Variants in SLCO2A1 observed in about 807,000 individuals in gnomAD.
SLCO2A1 encodes the protein matrin F/G 1.
SLCO2A1 carries 60 observed loss-of-function variants against 71.7 expected under a neutral mutation model. The observed-to-expected ratio is 0.84, with a 90% CI of 0.68 to 1.04. SLCO2A1 has a LOEUF of 1.04. SLCO2A1 is among the 50% of genes least tolerant of loss of function. SLCO2A1 has a pLI of 0.00. For missense variants in SLCO2A1, 745 were observed against 813.4 expected (o/e 0.92, Z 1.02); for synonymous variants, 308 against 326.7 (o/e 0.94, Z 0.62).
At chr3:133,991,214 G>T (rs1352737132) in intron 1 of SLCO2A1, among the ~76,000 whole-genome samples, 1 of 152,120 alleles carries the variant, frequency 6.6e-6, no homozygotes, top group Non-Finnish European at 1.5e-5. Context: ...AAAGATCCTC[G>T]GAGCTGAAGC....
At chr3:134,023,318 C>A (rs1293499081) in intron 1 of SLCO2A1, among the ~76,000 whole-genome samples, 1 of 152,250 alleles carries the variant, frequency 6.6e-6, no homozygotes, top group Non-Finnish European at 1.5e-5. Flanking sequence ...TGCTGACCAT[C>A]TAGTTATTAA....
chr3:133,942,150 C>G (rs56106050), intron 11 of SLCO2A1, among the ~76,000 whole-genome samples: 3,379 of 152,342 alleles, frequency 0.022, 128 homozygotes, highest in African/African-American at 0.074. Context: ...CTGGCCACCA[C>G]GCCCAGCTAA....
In SLCO2A1 at chr3:133,951,214, T is replaced by A; in HGVS notation, c.855A>T (p.Gly285=). The change falls in exon 6 of 14, where the codon GGA becomes GGT. Residue 285 remains glycine (G), a synonymous_variant. Transcript: ENST00000310926. ...FFFFPRAMPI[G]AKRAPATADE... is the part of the protein sequence containing the mutation. ...TGGGCTCTTGGAACCTTACCTTTGCTCCTATGGGCATTGCTCGAGGGAAGA... is the reference window on the plus strand; with the variant it reads ...TGGGCTCTTGGAACCTTACCTTTGCACCTATGGGCATTGCTCGAGGGAAGA... 1 of 1,613,912 alleles carries A rather than the reference T, an allele frequency of 6.2e-7. No homozygotes were observed.
At chr3:133,950,559 C>G (rs2088117087) in intron 6 of SLCO2A1, among the ~76,000 whole-genome samples, 1 of 152,204 alleles carries the variant, frequency 6.6e-6, no homozygotes. Flanking sequence ...TAAACTCAAC[C>G]TAGCTGCCAT....
chr3:133,950,410 G>T (rs1933712687), intron 6 of SLCO2A1, among the ~76,000 whole-genome samples: 1 of 152,056 alleles, frequency 6.6e-6, no homozygotes, highest in Non-Finnish European at 1.5e-5. Flanking sequence ...GAGTCCTTCT[G>T]GGCATCCACC....
At chr3:134,026,976 G>A (rs1053755971) in intron 1 of SLCO2A1, among the ~76,000 whole-genome samples, 3 of 152,208 alleles carry the variant, frequency 2.0e-5, no homozygotes, top group Admixed American at 6.5e-5. Context: ...AGTTATAATA[G>A]TAATAGGAAC....
At chr3:134,012,147 C>A (rs192843514) in intron 1 of SLCO2A1, among the ~76,000 whole-genome samples, 24 of 152,298 alleles carry the variant, frequency 1.6e-4, no homozygotes, top group Admixed American at 9.1e-4. Context: ...CAGCAACGCC[C>A]ACCTTCAGAG....
chr3:134,011,354 A>G lies in SLCO2A1; in HGVS notation c.96+18353T>C, dbSNP rs566531288. Among the ~76,000 whole-genome samples the G allele has an allele frequency of 7.9e-5, 12 of 152,296 alleles. No individual in the cohort carries two copies. In the South Asian group the frequency reaches 1.0e-3, roughly 13 times the overall value. On this transcript the variant is annotated intron_variant, in intron 1 of 13. Coordinates refer to ENST00000310926, the MANE Select transcript of SLCO2A1 (RefSeq NM_005630.3). ...GTGAGCCACTGTGCCCAGCCTACAC[A>G]TTAAATTTACACATGGATTCAGTGG...
chr3:133,991,895 C>T (rs750135154), intron 1 of SLCO2A1, among the ~76,000 whole-genome samples: 1 of 152,240 alleles, frequency 6.6e-6, no homozygotes, highest in Non-Finnish European at 1.5e-5. Context: ...CAAAGGCACC[C>T]TCTGAGGCCT....
At chr3:133,964,107 T>C (rs1454457214) in intron 3 of SLCO2A1, among the ~76,000 whole-genome samples, 2 of 152,228 alleles carry the variant, frequency 1.3e-5, no homozygotes, top group Non-Finnish European at 2.9e-5. Context: ...CAGTTTCATC[T>C]TGGAAAACTA....
intron 1 of SLCO2A1, among the ~76,000 whole-genome samples, chr3:134,024,201 C>T (rs1935652784): frequency 6.6e-6 from 1 of 152,206 alleles, no homozygotes; most frequent in Non-Finnish European, 1.5e-5. Flanking sequence ...AATTGGCTAT[C>T]CCTTTCACCC....
At position 133,948,714 on chromosome 3, in the gene SLCO2A1, G is replaced by A. The variant is rs373836852; in HGVS notation, c.941-14C>T. On this transcript the variant is annotated splice_polypyrimidine_tract_variant and intron_variant, in intron 7 of 13. Coordinates refer to ENST00000310926, the MANE Select transcript of SLCO2A1 (RefSeq NM_005630.3). ...TGCATGGAAACCCTGTGAACAGACC[G>A]CTGTCAAGGCTCTGGCAGAACCCCT... is the stretch of plus-strand genomic sequence containing the variant. The A allele has an allele frequency of 1.1e-4, 179 of 1,610,866 alleles. No individual in the cohort carries two copies. The highest frequency in any genetic ancestry group is 2.2e-4 in the Admixed American group (13 of 59,812).
At chr3:133,972,340 T>C (rs1012671977) in intron 3 of SLCO2A1, among the ~76,000 whole-genome samples, 6 of 151,928 alleles carry the variant, frequency 3.9e-5, no homozygotes, top group African/African-American at 1.5e-4. Context: ...GGATGCAGCA[T>C]AAAGCACTGA....
At chr3:133,943,478 C>T (rs528358406) in intron 10 of SLCO2A1, among the ~76,000 whole-genome samples, 13 of 152,228 alleles carry the variant, frequency 8.5e-5, no homozygotes, top group Non-Finnish European at 1.8e-4. Flanking sequence ...ATGTTTCCTT[C>T]TGCCGACAGT....
chr3:133,998,227 G>A (rs1415390264), intron 1 of SLCO2A1, among the ~76,000 whole-genome samples: 1 of 152,204 alleles, frequency 6.6e-6, no homozygotes, highest in Non-Finnish European at 1.5e-5. Context: ...GGGAGAGTCT[G>A]CTTATCCTTT....
At chr3:133,952,082 C>T (rs1237152364) in intron 5 of SLCO2A1, among the ~76,000 whole-genome samples, 2 of 152,182 alleles carry the variant, frequency 1.3e-5, no homozygotes, top group Non-Finnish European at 2.9e-5. Flanking sequence ...GGTGGCAGAA[C>T]GGTTCAGTCA....
intron 3 of SLCO2A1, among the ~76,000 whole-genome samples, chr3:133,967,344 C>G (rs1306543145): frequency 1.3e-5 from 2 of 152,210 alleles, no homozygotes; most frequent in African/African-American, 4.8e-5. Context: ...GAGTCAGCTA[C>G]TTTTATGTCA....
At chr3:134,003,852 G>C (rs1425028233) in intron 1 of SLCO2A1, among the ~76,000 whole-genome samples, 1 of 152,164 alleles carries the variant, frequency 6.6e-6, no homozygotes, top group Non-Finnish European at 1.5e-5. Flanking sequence ...GATTATCCTA[G>C]ATAATTTGGG....
rs1416785306 is a variant in SLCO2A1, at chr3:133,934,503, T to C, written c.*210A>G. The C allele has an allele frequency of 6.3e-6, 3 of 478,452 alleles. No individual in the cohort carries two copies. The highest frequency in any genetic ancestry group is 6.9e-5 in the Admixed American group (2 of 29,116). The allele number at this position is 478,452 out of a possible 1,614,324, so 29.6% of individuals were successfully genotyped here. A position where few individuals can be genotyped will look rare whatever the true frequency, so the allele number is the denominator to read the frequency against. On this transcript the variant is annotated 3_prime_UTR_variant, in exon 14 of 14. Transcript: ENST00000310926. ...GCCAGGGAAGACTCAGCCCCCCAGT[T>C]CTGGCCCACACAGCCCGGGTACACA...
Sources: gnomAD v4.1 joint callset for allele counts (sites outside exome capture counted in the v4.1 genomes callset) on GRCh38, gnomAD v4.1.1 for gene constraint, MANE v1.5 for transcripts, NCBI Gene and HGNC (gene_info 2026-07-23, HGNC 2026-07-21) for gene names.